The following NENF variants were observed in gnomAD, a reference collection of about 807,000 sequenced individuals.
NENF encodes neudesin.
Under a neutral mutation model 14.8 loss-of-function variants are expected in NENF, and 6 were observed. The ratio of observed to expected loss-of-function variants is 0.40; its 90% CI spans 0.22 to 0.80. The LOEUF (loss-of-function observed/expected upper bound fraction) is 0.80. Among genes scored for constraint, NENF ranks in the 30% least tolerant of loss-of-function variants. NENF has a pLI of 0.34. For missense variants in NENF, 184 were observed against 212.7 expected, an observed-to-expected ratio of 0.87 and a Z score of 0.84; for synonymous variants, 76 against 95.1, an observed-to-expected ratio of 0.80 and a Z score of 1.17.
In NENF at chr1:212,444,462, T is replaced by A; in HGVS notation, c.342+20T>A. The A allele has an allele frequency of 6.5e-7, 1 of 1,543,910 alleles. No individual in the cohort carries two copies. The highest frequency in any genetic ancestry group is 8.8e-7 in the Non-Finnish European group (1 of 1,137,056). On this transcript the variant is annotated intron_variant, in intron 3 of 3. Transcript: ENST00000366988. ...GACACTGTGAGCCAGATTATAAGCCTTTGTAAAATCCTCTACCTCCTTGTC... is the reference window on the plus strand; with the variant it reads ...GACACTGTGAGCCAGATTATAAGCCATTGTAAAATCCTCTACCTCCTTGTC...
intron 3 of NENF, among the ~76,000 whole-genome samples, chr1:212,444,771 A>G (rs183783414): frequency 3.3e-5 from 5 of 152,022 alleles, no homozygotes; most frequent in Admixed American, 2.0e-4. Context: ...TTTGGCCCCA[A>G]CCTGCTTTGG....
intron 1 of NENF, among the ~76,000 whole-genome samples, chr1:212,435,547 CTTTTTT>C (rs58631608): frequency 7.5e-6 from 1 of 132,856 alleles, no homozygotes. Flanking sequence ...AGTTTTTTTC[CTTTTTT>C]TTTTTTTTTT....
In NENF at chr1:212,433,880, C is replaced by T. The variant is rs374795296; in HGVS notation, c.177+760C>T. On this transcript the variant is annotated intron_variant, in intron 1 of 3. Coordinates refer to ENST00000366988, the MANE Select transcript of NENF (RefSeq NM_013349.5). This position sits in a 1 kb window ranked among gnomAD's most constrained non-coding sequence, Gnocchi z 5.5. ...CAGGGGGCTGATATTAGATGTGGAGCGGGGGAACGGCATTGGGGGGAGGTC... is the reference window on the plus strand; with the variant it reads ...CAGGGGGCTGATATTAGATGTGGAGTGGGGGAACGGCATTGGGGGGAGGTC... 3.9e-5 allele frequency among the ~76,000 whole-genome samples: 6 copies of T among 152,152 alleles called. No individual in the cohort carries two copies. The South Asian group carries it at 8.3e-4, about 21-fold the overall frequency.
chr1:212,436,081 C>CAGGGGTGG (rs1436787696), intron 1 of NENF, among the ~76,000 whole-genome samples: 2 of 152,134 alleles, frequency 1.3e-5, no homozygotes, highest in Non-Finnish European at 2.9e-5. Flanking sequence ...GTTGCTATCT[C>CAGGGGTGG]AGGGGTGGCA....
chr1:212,437,415 C>T (rs954667983), intron 1 of NENF, among the ~76,000 whole-genome samples: 2 of 152,154 alleles, frequency 1.3e-5, no homozygotes, highest in Non-Finnish European at 2.9e-5. Flanking sequence ...GACATATTTT[C>T]ATATTGAAAA....
intron 1 of NENF, among the ~76,000 whole-genome samples, chr1:212,437,629 G>A (rs1358301436): frequency 6.6e-6 from 1 of 152,168 alleles, no homozygotes; most frequent in Non-Finnish European, 1.5e-5. Flanking sequence ...CCCACACAGG[G>A]ATTTGCGTAG....
At chr1:212,444,580 A>T (rs1471311261) in intron 3 of NENF, 138 bp downstream of exon 3, 5 of 458,322 alleles carry the variant, frequency 1.1e-5, no homozygotes, top group Non-Finnish European at 1.8e-5. Context: ...TCTGGGCAAG[A>T]GCAAGCCTTC....
intron 1 of NENF, among the ~76,000 whole-genome samples, chr1:212,441,968 TTACTA>T (rs1662705179): frequency 6.6e-6 from 1 of 152,228 alleles, no homozygotes; most frequent in Admixed American, 6.5e-5. Flanking sequence ...AATTCATCAT[TTACTA>T]TTCTTTTGAA....
chr1:212,433,321 G>A lies in NENF; in HGVS notation c.177+201G>A, dbSNP rs1419838192. Among the ~76,000 whole-genome samples, 1 of 152,056 alleles carries A rather than the reference G, an allele frequency of 6.6e-6. No homozygotes were observed. Among genetic ancestry groups the A allele is most frequent in the Admixed American group, 6.5e-5 (1 of 15,278 alleles). ...GGGTGAGGACGAGTCCTCAACAGTC[G>A]GAGCGCTCCGCTTTGCCCGCACACC... On this transcript the variant is annotated intron_variant, in intron 1 of 3. Coordinates refer to ENST00000366988, the MANE Select transcript of NENF (RefSeq NM_013349.5). The surrounding 1 kb of genome is among the most constrained non-coding windows in gnomAD (Gnocchi z 5.5).
chr1:212,445,943 CA>C lies in NENF; in HGVS notation c.457del (p.Ser153AlafsTer38), dbSNP rs775207901. 1.2e-5 allele frequency: 20 copies of C among 1,614,218 alleles called. No homozygotes were observed. The highest frequency in any genetic ancestry group is 1.5e-5 in the Non-Finnish European group (18 of 1,180,042). On this transcript the variant is annotated frameshift_variant, in exon 4 of 4. Coordinates refer to ENST00000366988, the MANE Select transcript of NENF (RefSeq NM_013349.5). LOFTEE classifies it high-confidence loss of function. ...TARRILNEDGSPNLDFKPEDQ... is the reference protein window; with the variant it reads ...TARRILNEDGXPNLDFKPEDQ... The stretch of plus-strand genomic sequence containing the variant: ...CCCGGAGAATTCTCAATGAGGATGG[CA>C]GCCCTAACCTGGACTTCAAGCCTGA...
intron 1 of NENF, among the ~76,000 whole-genome samples, chr1:212,440,324 C>T (rs1207892039): frequency 6.6e-6 from 1 of 150,518 alleles, no homozygotes; most frequent in Admixed American, 6.6e-5. Context: ...TGACAAAATA[C>T]TGGGGTTAAA....
At chr1:212,437,015 G>A (rs6669931) in intron 1 of NENF, among the ~76,000 whole-genome samples, 3,591 of 151,972 alleles carry the variant, frequency 0.024, 152 homozygotes, top group African/African-American at 0.081. Flanking sequence ...CAGGCTTAGC[G>A]TAGGCCTGGA....
At chr1:212,440,497 C>T (rs753294080) in intron 1 of NENF, among the ~76,000 whole-genome samples, 3 of 152,052 alleles carry the variant, frequency 2.0e-5, no homozygotes, top group Non-Finnish European at 2.9e-5. Flanking sequence ...TCAAATGACC[C>T]GTGTTAGATG....
chr1:212,436,274 C>CTG lies in NENF; in HGVS notation c.177+3155_177+3156insGT, dbSNP rs1662599695. Among the ~76,000 whole-genome samples the CTG allele has an allele frequency of 2.7e-5, 4 of 150,644 alleles. 1 individual carries two copies. In the South Asian group the frequency reaches 8.4e-4, roughly 32 times the overall value. ...TATCAGAAGGGGCAGGCTGGAAGCC[C>CTG]TCAGGCAGGAGCAGATGCTGTAGCC... On this transcript the variant is annotated intron_variant, in intron 1 of 3. Coordinates refer to ENST00000366988, the MANE Select transcript of NENF (RefSeq NM_013349.5).
chr1:212,443,264 A>C (rs1300082177), intron 2 of NENF, among the ~76,000 whole-genome samples: 1 of 152,202 alleles, frequency 6.6e-6, no homozygotes, highest in Non-Finnish European at 1.5e-5. Flanking sequence ...AGAACATTTT[A>C]GTGCCATTTA....
intron 1 of NENF, among the ~76,000 whole-genome samples, chr1:212,442,154 G>A (rs956458537): frequency 6.6e-6 from 1 of 152,192 alleles, no homozygotes; most frequent in Non-Finnish European, 1.5e-5. Context: ...TGGGATTACA[G>A]GCATGTGCCA....
At chr1:212,435,778 C>T (rs559494359) in intron 1 of NENF, among the ~76,000 whole-genome samples, 39 of 152,110 alleles carry the variant, frequency 2.6e-4, no homozygotes, top group African/African-American at 9.2e-4. Flanking sequence ...CTCCTGGGCT[C>T]AAGCAACTCT....
chr1:212,442,499 T>G (rs1406912528), intron 1 of NENF, 66 bp from the exon 2 acceptor site: 1 of 1,233,198 alleles, frequency 8.1e-7, no homozygotes, highest in Non-Finnish European at 1.2e-6. Flanking sequence ...GGAGAAGATT[T>G]TACTAAGTTG....
chr1:212,433,126 C>T lies in NENF; in HGVS notation c.177+6C>T, dbSNP rs1662546056. 3.4e-6 allele frequency: 4 copies of T among 1,184,744 alleles called. No homozygotes were observed. The highest frequency in any genetic ancestry group is 4.5e-5 in the Admixed American group (1 of 22,014). The allele number at this position is 1,184,744 out of a possible 1,614,324, so 73.4% of individuals were successfully genotyped here. On this transcript the variant is annotated splice_donor_region_variant and intron_variant, in intron 1 of 3. Coordinates refer to ENST00000366988, the MANE Select transcript of NENF (RefSeq NM_013349.5). This position sits in a 1 kb window ranked among gnomAD's most constrained non-coding sequence, Gnocchi z 5.5. ...CCCGCTATGGCGGGGAGGAGGTAGG[C>T]GGGGGTGTCGCGGGCCGAGGGACCC... is the stretch of plus-strand genomic sequence containing the variant.
Sources: allele counts gnomAD v4.1 joint callset (sites outside exome capture counted in the v4.1 genomes callset), GRCh38; gene constraint gnomAD v4.1.1; non-coding constraint Gnocchi (gnomAD v3.1); transcripts MANE v1.5; gene names NCBI Gene and HGNC (gene_info 2026-07-23, HGNC 2026-07-21).